CYP4V2: variants seen among roughly 807,000 people sequenced by gnomAD.
The protein encoded by CYP4V2 is cytochrome P450 family 4 subfamily V member 2.
In CYP4V2, 55 loss-of-function variants were observed where a neutral mutation model predicts 60.8. The ratio of observed to expected loss-of-function variants is 0.90; its 90% CI spans 0.73 to 1.13. CYP4V2 has a LOEUF of 1.13. Among genes scored for constraint, CYP4V2 ranks in the 50% most tolerant of loss-of-function variants. The pLI is 0.00. For missense variants in CYP4V2, 675 were observed against 662.9 expected (o/e 1.02, Z -0.20); for synonymous variants, 239 against 236.8 (o/e 1.01, Z -0.08).
rs200636986 is a variant in CYP4V2 at position 186,208,870 on chromosome 4, T to C, written c.1096T>C (p.Ser366Pro). The C allele has an allele frequency of 2.5e-6, 4 of 1,614,088 alleles. No homozygotes were observed. Among genetic ancestry groups the C allele is most frequent in the Non-Finnish European group, 3.4e-6 (4 of 1,180,026 alleles). ...DHELDDVFGKSDRPATVEDLK... is the reference protein window; with the variant it reads ...DHELDDVFGKPDRPATVEDLK... ...TATCTACTTGCTTTCATCAGGGAAG[T>C]CTGACCGTCCCGCTACAGTAGAAGA... Residue 366 changes from serine (S) to proline (P), a missense_variant, in exon 9 of 11, where the codon TCT (serine) becomes CCT (proline). Physicochemically the swap from Ser to Pro is moderately conservative, Grantham distance 74 (BLOSUM62 -1). Transcript: ENST00000378802.
At chr4:186,193,047 T>C (rs767686076) in intron 1 of CYP4V2, among the ~76,000 whole-genome samples, 1 of 152,182 alleles carries the variant, frequency 6.6e-6, no homozygotes, top group Non-Finnish European at 1.5e-5. Context: ...AAAAATACTT[T>C]GACAGAAAAA....
chr4:186,197,679 G>T, intron 5 of CYP4V2, 77 bp downstream of exon 5: 1 of 1,464,092 alleles, frequency 6.8e-7, no homozygotes, highest in Non-Finnish European at 9.5e-7. Context: ...CAATTTCTGC[G>T]TTGTATCTTT....
intron 2 of CYP4V2, 64 bp downstream of exon 2, chr4:186,194,676 A>G: frequency 7.0e-7 from 1 of 1,422,570 alleles, no homozygotes; most frequent in South Asian, 1.2e-5. Flanking sequence ...ATCTCACCAG[A>G]ATCAATATAA....
intron 3 of CYP4V2, chr4:186,196,513 C>T (rs1477706597): frequency 1.0e-5 from 3 of 300,628 alleles, no homozygotes; most frequent in African/African-American, 6.5e-5. Context: ...CCCACAAGAG[C>T]AAGGCAGGAG....
chr4:186,194,771 A>G (rs1736099566), intron 2 of CYP4V2, among the ~76,000 whole-genome samples, 159 bp downstream of exon 2: 1 of 152,224 alleles, frequency 6.6e-6, no homozygotes, highest in Non-Finnish European at 1.5e-5. Flanking sequence ...AATGCTTTCC[A>G]GGTATAGCCC....
chr4:186,196,825 A>C, intron 3 of CYP4V2, 115 bp from the exon 4 acceptor site: 1 of 1,014,058 alleles, frequency 9.9e-7, no homozygotes, highest in Middle Eastern at 3.1e-4. Flanking sequence ...AAGCTGTTTC[A>C]GGAGAATTTT....
chr4:186,201,627 A>G lies in CYP4V2; in HGVS notation c.987+285A>G, dbSNP rs188552512. On this transcript the variant is annotated intron_variant, in intron 7 of 10. Transcript: ENST00000378802. ...TTCCCAAGCAGAAGAGCAGCCAGAG[A>G]TTGCTCTCAGTTCTCCATGTGGCTT... 30 of 309,982 alleles carry G rather than the reference A, an allele frequency of 9.7e-5. No individual in the cohort carries two copies. In the East Asian group the frequency reaches 2.1e-3, roughly 22 times the overall value. 19.2% of individuals were successfully genotyped at this position (309,982 alleles called of 1,614,324 possible).
intron 7 of CYP4V2, chr4:186,204,538 A>G (rs1404089830): frequency 5.4e-6 from 1 of 185,062 alleles, no homozygotes; most frequent in Non-Finnish European, 1.2e-5. Flanking sequence ...GTCATCGGAC[A>G]CGCCGCAGGC....
intron 8 of CYP4V2, 78 bp from the exon 9 acceptor site, chr4:186,208,787 C>G (rs574907394): frequency 6.3e-7 from 1 of 1,595,592 alleles, no homozygotes; most frequent in African/African-American, 1.3e-5. Flanking sequence ...ATGCCTTGAT[C>G]CACCTGTTCT....
rs1554075274 is a variant in CYP4V2, at chr4:186,211,694, C to CACTT, written c.*1055_*1056insTTAC. The CACTT allele has an allele frequency of 2.2e-4, 5 of 22,234 alleles. No individual in the cohort carries two copies. The highest frequency in any genetic ancestry group is 3.7e-4 in the African/African-American group (5 of 13,604). The allele number at this position is 22,234 out of a possible 1,614,324, so 1.4% of individuals were successfully genotyped here. A position where few individuals can be genotyped will look rare whatever the true frequency, so the allele number is the denominator to read the frequency against. The stretch of plus-strand genomic sequence containing the variant: ...ACACACACACACACACACACACACA[C>CACTT]ACATACACACATATAATTTGAAAGA... On this transcript the variant is annotated 3_prime_UTR_variant, in exon 11 of 11. Transcript: ENST00000378802.
intron 10 of CYP4V2, among the ~76,000 whole-genome samples, chr4:186,209,834 T>G (rs1403530389): frequency 1.3e-5 from 2 of 152,228 alleles, no homozygotes; most frequent in African/African-American, 4.8e-5. Flanking sequence ...AAAACATAAT[T>G]AGCTTCATGG....
In CYP4V2 at chr4:186,213,160, A is replaced by T. The variant is rs1008997922; in HGVS notation, c.*2519A>T. The T allele has an allele frequency of 6.6e-6, 1 of 152,178 alleles. No individual in the cohort carries two copies. The highest frequency in any genetic ancestry group is 2.4e-5 in the African/African-American group (1 of 41,464). 9.4% of individuals were successfully genotyped at this position (152,178 alleles called of 1,614,324 possible). ...TTCAGCTCCAGAATTATTGTTACTC[A>T]TATTTTAATCAGTAAGTCATTTAAG... is the stretch of plus-strand genomic sequence containing the variant. On this transcript the variant is annotated 3_prime_UTR_variant, in exon 11 of 11. Transcript: ENST00000378802.
Position 186,210,591 on chromosome 4 carries a change from A to G in CYP4V2, c.1528A>G (p.Ser510Gly). 6.2e-7 allele frequency: 1 copy of G among 1,614,192 alleles called. No individual in the cohort carries two copies. Among genetic ancestry groups the G allele is most frequent in the Non-Finnish European group, 8.5e-7 (1 of 1,180,034 alleles). Residue 510 changes from serine to glycine, a missense_variant, in exon 11 of 11, where the codon AGT (serine) becomes GGT (glycine). Ser to Gly is a moderately conservative substitution (Grantham distance 56, BLOSUM62 0). Coordinates refer to ENST00000378802, the MANE Select transcript of CYP4V2 (RefSeq NM_207352.4). ...AGAAGGACAGTTGATTCTTCGTCCA[A>G]GTAATGGCATCTGGATCAAGTTGAA... ...GLEGQLILRPSNGIWIKLKRR... is the reference protein window; with the variant it reads ...GLEGQLILRPGNGIWIKLKRR...
rs199476184 is a variant in CYP4V2, at chr4:186,209,086, TTGACAGCAGGTTACAG to T, written c.1226-6_1235del. 6.2e-7 allele frequency: 1 copy of T among 1,614,194 alleles called. No homozygotes were observed. The highest frequency in any genetic ancestry group is 2.2e-5 in the East Asian group (1 of 44,884). Reference sequence around the variant, plus strand: ...GGTCTCATAATGTATTGACTACTTCTTGACAGCAGGTTACAGAGTTCTAAAAGGCACTGAAGCCGTC... The same window carrying T: ...GGTCTCATAATGTATTGACTACTTCTAGTTCTAAAAGGCACTGAAGCCGTC... On this transcript the variant is annotated splice_acceptor_variant and splice_polypyrimidine_tract_variant and coding_sequence_variant and intron_variant, in exon 10 of 11. Coordinates refer to ENST00000378802, the MANE Select transcript of CYP4V2 (RefSeq NM_207352.4). LOFTEE classifies it high-confidence loss of function.
intron 6 of CYP4V2, among the ~76,000 whole-genome samples, chr4:186,200,287 G>C (rs1351295810): frequency 6.6e-6 from 1 of 152,028 alleles, no homozygotes; most frequent in Non-Finnish European, 1.5e-5. Flanking sequence ...TCAATTACCT[G>C]GTAGGAAAAG....
In CYP4V2 at chr4:186,194,585, G is replaced by A. The variant is rs759033778; in HGVS notation, c.300G>A (p.Val100=). The change falls in exon 2 of 11, where the codon GTG becomes GTA. Residue 100 remains valine (V), a synonymous_variant. Transcript: ENST00000378802. ...LKLWVGPVPM[V]ALYNAENVEV... is the part of the protein sequence containing the mutation. ...TCTGGGTCGGGCCAGTGCCCATGGT[G>A]GCCCTTTATAATGCAGAAAATGTGG... The A allele has an allele frequency of 3.1e-6, 5 of 1,614,084 alleles. No homozygotes were observed. In the East Asian group the frequency reaches 8.9e-5, roughly 29 times the overall value.
At chr4:186,207,271 T>C (rs918498713) in intron 8 of CYP4V2, among the ~76,000 whole-genome samples, 1 of 151,882 alleles carries the variant, frequency 6.6e-6, no homozygotes, top group South Asian at 2.1e-4. Flanking sequence ...TAGCCGGGCA[T>C]GGTGGCAGGT....
rs199476185 is a variant in CYP4V2 at position 186,194,522 on chromosome 4, G to A, written c.237G>A (p.Glu79=). The A allele has an allele frequency of 6.2e-7, 1 of 1,614,112 alleles. No homozygotes were observed. The highest frequency in any genetic ancestry group is 1.3e-5 in the African/African-American group (1 of 75,048). The change falls in exon 2 of 11, where the codon GAG becomes GAA. Residue 79 remains glutamate (E), a synonymous_variant. Coordinates refer to ENST00000378802, the MANE Select transcript of CYP4V2 (RefSeq NM_207352.4). ...CAGAATTTTTTCAGCAGATCATTGAGTACACAGAGGAATACCGCCACATGC... is the reference window on the plus strand; with the variant it reads ...CAGAATTTTTTCAGCAGATCATTGAATACACAGAGGAATACCGCCACATGC... ...DGREFFQQII[E]YTEEYRHMPL...
intron 8 of CYP4V2, among the ~76,000 whole-genome samples, chr4:186,206,343 A>G (rs1736504920): frequency 6.6e-6 from 1 of 152,174 alleles, no homozygotes; most frequent in African/African-American, 2.4e-5. Context: ...CAAATCTGCC[A>G]AGAGTTCTCT....
Sources: allele counts gnomAD v4.1 joint callset (sites outside exome capture counted in the v4.1 genomes callset), GRCh38; gene constraint gnomAD v4.1.1; transcripts MANE v1.5; gene names NCBI Gene and HGNC (gene_info 2026-07-23, HGNC 2026-07-21).